The following NPRL3 variants were observed in gnomAD, a reference collection of about 807,000 sequenced individuals.
The protein encoded by NPRL3 is GATOR1 complex protein NPRL3.
Under a neutral mutation model 57.2 loss-of-function variants are expected in NPRL3, and 23 were observed. The observed-to-expected ratio is 0.40, with a 90% CI of 0.29 to 0.57. The LOEUF is 0.57. Among genes scored for constraint, NPRL3 ranks in the 20% least tolerant of loss-of-function variants. The pLI, the probability that NPRL3 is intolerant of heterozygous loss-of-function variation, is 0.42. For synonymous variants in NPRL3, 333 were observed against 321.1 expected (o/e 1.04, Z -0.39); for missense variants, 691 against 767.1 (o/e 0.90, Z 1.17).
chr16:118,017 G>A (rs1900122324), intron 4 of NPRL3, among the ~76,000 whole-genome samples: 1 of 152,216 alleles, frequency 6.6e-6, no homozygotes, highest in South Asian at 2.1e-4. Flanking sequence ...TGTGACCGCG[G>A]GCAGGCTGCC....
Position 89,893 on chromosome 16 carries a change from T to C in NPRL3, c.1171A>G (p.Ile391Val). ...TGCAGCATCCACACCACCATCTGGA[T>C]GAGCTGGGTCTGCGGGTGGCAGCAG... ...LAPAVQETQLIQMVVWMLQRR... is the reference protein window; with the variant it reads ...LAPAVQETQLVQMVVWMLQRR... The change falls in exon 12 of 14, where the codon ATC (isoleucine) becomes GTC (valine). Residue 391 changes from isoleucine to valine, a missense_variant. Physicochemically the swap from Ile to Val is conservative, Grantham distance 29. Transcript: ENST00000611875. 1.9e-6 allele frequency: 3 copies of C among 1,549,658 alleles called. No homozygotes were observed. Among genetic ancestry groups the C allele is most frequent in the Non-Finnish European group, 2.6e-6 (3 of 1,147,000 alleles).
chr16:92,763 C>G (rs770263853), intron 10 of NPRL3, 38 bp from the exon 11 acceptor site: 35 of 1,608,048 alleles, frequency 2.2e-5, no homozygotes, highest in Non-Finnish European at 2.9e-5. Flanking sequence ...TGCAGCAGAC[C>G]CCCCCACCGT....
At chr16:106,582 C>T (rs1899537126) in intron 7 of NPRL3, among the ~76,000 whole-genome samples, 1 of 133,618 alleles carries the variant, frequency 7.5e-6, no homozygotes. Flanking sequence ...TGCAGTGAGC[C>T]AAGATTGCGC....
Position 89,764 on chromosome 16 carries a change from C to A in NPRL3, c.1300G>T (p.Val434Phe). 3 of 1,598,750 alleles carry A rather than the reference C, an allele frequency of 1.9e-6. No homozygotes were observed. In the South Asian group the frequency reaches 3.4e-5, roughly 18 times the overall value. Reference protein sequence around the residue: ...REDDVPFTARVGGRSLSTPNA... With the variant: ...REDDVPFTARFGGRSLSTPNA... ...GGCGTGCTGAGGCTGCGACCGCCGA[C>A]CCGGGCAGTGAAGGGGACGTCGTCC... is the stretch of plus-strand genomic sequence containing the variant. The change falls in exon 12 of 14, where the codon GTC (valine) becomes TTC (phenylalanine). Residue 434 changes from valine (V) to phenylalanine (F), a missense_variant. By Grantham distance (50) the Val-to-Phe change is conservative. Transcript: ENST00000611875.
chr16:138,044 C>G lies in NPRL3; in HGVS notation c.118+106G>C, dbSNP rs997805043. On this transcript the variant is annotated intron_variant, in intron 2 of 13. Transcript: ENST00000611875. ...CAAATACTCTACAACGAGCAGATCT[C>G]GAATGCCCAGCAAAAGCTAAGCTCC... is the stretch of plus-strand genomic sequence containing the variant. 44 of 777,836 alleles carry G rather than the reference C, an allele frequency of 5.7e-5. No individual in the cohort carries two copies. The South Asian group carries it at 7.2e-4, about 13-fold the overall frequency. The allele number at this position is 777,836 out of a possible 1,614,324, so 48.2% of individuals were successfully genotyped here. A position where few individuals can be genotyped will look rare whatever the true frequency, so the allele number is the denominator to read the frequency against.
At chr16:88,387 C>CAAAAAAA (rs56670370) in intron 13 of NPRL3, among the ~76,000 whole-genome samples, 2,091 of 130,632 alleles carry the variant, frequency 0.016, 61 homozygotes, top group African/African-American at 0.063. Context: ...GACTCCGTCT[C>CAAAAAAA]AAAAAAAAAA....
intron 3 of NPRL3, among the ~76,000 whole-genome samples, chr16:120,126 T>C (rs1283466271): frequency 6.6e-6 from 1 of 152,074 alleles, no homozygotes; most frequent in Non-Finnish European, 1.5e-5. Flanking sequence ...GGGCCTCCGC[T>C]CTAGAAACAC....
At position 132,236 on chromosome 16, in the gene NPRL3, G is replaced by A. The variant is rs140243599; in HGVS notation, c.119-1645C>T. ...TTGCACAGGTTGGTCTCGAACTCCC[G>A]GGCTCAAGTGATCCACCTGCCTCAG... On this transcript the variant is annotated intron_variant, in intron 2 of 13. Transcript: ENST00000611875. 2.6e-3 allele frequency among the ~76,000 whole-genome samples: 390 copies of A among 152,114 alleles called. 1 individual carries two copies. The highest frequency in any genetic ancestry group is 8.9e-3 in the African/African-American group (370 of 41,510).
intron 7 of NPRL3, among the ~76,000 whole-genome samples, chr16:109,846 T>C (rs556740218): frequency 6.6e-6 from 1 of 152,332 alleles, no homozygotes; most frequent in South Asian, 2.1e-4. Context: ...GAACCACCTG[T>C]CTTTTCTGTG....
At chr16:108,862 G>A (rs1293622216) in intron 7 of NPRL3, among the ~76,000 whole-genome samples, 49 of 151,248 alleles carry the variant, frequency 3.2e-4, no homozygotes, top group Non-Finnish European at 1.5e-5. Flanking sequence ...AGTAGACAGC[G>A]GGTTTCACCA....
chr16:116,839 G>C (rs994602130), intron 5 of NPRL3, among the ~76,000 whole-genome samples: 1 of 150,148 alleles, frequency 6.7e-6, no homozygotes, highest in Admixed American at 6.8e-5. Flanking sequence ...GCTGGGCGTG[G>C]TGGCGCACAC....
intron 3 of NPRL3, chr16:126,216 T>C (rs1395283108): frequency 2.0e-5 from 3 of 151,056 alleles, no homozygotes; most frequent in Non-Finnish European, 4.4e-5. Context: ...CCAAGCTGAG[T>C]TCGAGACCAG....
intron 2 of NPRL3, 75 bp downstream of exon 2, chr16:138,075 G>T: frequency 9.1e-7 from 1 of 1,094,688 alleles, no homozygotes; most frequent in Non-Finnish European, 1.3e-6. Flanking sequence ...GCTCCGCGAG[G>T]CGGCCCTGGA....
intron 9 of NPRL3, among the ~76,000 whole-genome samples, chr16:94,196 G>A (rs1488889568): frequency 2.0e-5 from 3 of 151,780 alleles, no homozygotes; most frequent in Admixed American, 2.0e-4. Context: ...CTTTGCTCTT[G>A]TGGACCCTTG....
chr16:129,366 C>T (rs1206885676), intron 3 of NPRL3, among the ~76,000 whole-genome samples: 1 of 152,164 alleles, frequency 6.6e-6, no homozygotes, highest in African/African-American at 2.4e-5. Flanking sequence ...ATTTAAAGGG[C>T]AAGACAACCA....
At position 100,839 on chromosome 16, in the gene NPRL3, C is replaced by T. The variant is rs59877430; in HGVS notation, c.630-330G>A. ...TACAAAAATTAGCCAGGTGTGGTGG[C>T]GGGCGCCTGTAGTCCCAGCTACTCG... is the stretch of plus-strand genomic sequence containing the variant. On this transcript the variant is annotated intron_variant, in intron 7 of 13. Transcript: ENST00000611875. Among the ~76,000 whole-genome samples the T allele has an allele frequency of 0.014, 2,167 of 149,668 alleles. 65 individuals are homozygous for T. The highest frequency in any genetic ancestry group is 0.05 in the African/African-American group (2,045 of 40,662).
chr16:110,946 C>A (rs1899779376), intron 6 of NPRL3, among the ~76,000 whole-genome samples: 1 of 151,962 alleles, frequency 6.6e-6, no homozygotes, highest in Non-Finnish European at 1.5e-5. Flanking sequence ...TCATAAATTT[C>A]TAAAAATATA....
intron 9 of NPRL3, 84 bp from the exon 10 acceptor site, chr16:93,409 T>C (rs1898850277): frequency 2.3e-6 from 2 of 863,504 alleles, no homozygotes; most frequent in Admixed American, 2.0e-5. Flanking sequence ...TGGGTGGCCA[T>C]GGCCTACCAG....
intron 7 of NPRL3, among the ~76,000 whole-genome samples, chr16:107,119 G>A (rs1347106588): frequency 6.6e-6 from 1 of 152,206 alleles, no homozygotes. Context: ...CAAACAGAAT[G>A]CGTAGGTCAG....
Sources: allele counts gnomAD v4.1 joint callset (sites outside exome capture counted in the v4.1 genomes callset), GRCh38; gene constraint gnomAD v4.1.1; transcripts MANE v1.5; gene names NCBI Gene and HGNC (gene_info 2026-07-23, HGNC 2026-07-21).